WRN: variants seen among roughly 807,000 people sequenced by gnomAD.
The protein encoded by WRN is bifunctional 3'-5' exonuclease/ATP-dependent helicase WRN.
WRN carries 149 observed loss-of-function variants against 180.7 expected under a neutral mutation model. That is an observed-to-expected ratio of 0.82 (90% CI 0.72 to 0.94). WRN has a LOEUF of 0.94. Among genes scored for constraint, WRN ranks in the 40% least tolerant of loss-of-function variants. The pLI is 0.00. For synonymous variants in WRN, 548 were observed against 568.9 expected, an observed-to-expected ratio of 0.96 and a Z score of 0.52; for missense variants, 1,661 against 1,700.1, an observed-to-expected ratio of 0.98 and a Z score of 0.40.
chr8:31,151,934 G>C (rs1803149355), intron 31 of WRN, among the ~76,000 whole-genome samples: 1 of 150,602 alleles, frequency 6.6e-6, no homozygotes, highest in South Asian at 2.1e-4. Flanking sequence ...AAAATTTCTT[G>C]CTGTCACAAT....
intron 7 of WRN, among the ~76,000 whole-genome samples, chr8:31,070,208 T>G (rs916645325): frequency 6.6e-5 from 10 of 151,662 alleles, no homozygotes; most frequent in Admixed American, 1.3e-4. Flanking sequence ...GATTACCATC[T>G]TTTTTTCCTT....
chr8:31,166,218 C>A (rs1278864510), intron 33 of WRN, among the ~76,000 whole-genome samples: 1 of 152,060 alleles, frequency 6.6e-6, no homozygotes, highest in Non-Finnish European at 1.5e-5. Context: ...AATTGAGTGT[C>A]AAATATTTGA....
At chr8:31,120,183 A>T in intron 20 of WRN, 60 bp from the exon 21 acceptor site, 3 of 1,595,450 alleles carry the variant, frequency 1.9e-6, no homozygotes, top group Non-Finnish European at 2.6e-6. Flanking sequence ...AAAAGGTATA[A>T]ATGTAAGGTT....
intron 23 of WRN, among the ~76,000 whole-genome samples, chr8:31,125,517 A>G (rs1403193228): frequency 2.1e-5 from 2 of 97,310 alleles, no homozygotes; most frequent in Admixed American, 2.6e-4. Context: ...CCAGAGAAAT[A>G]GGACGATTGA....
intron 8 of WRN, among the ~76,000 whole-genome samples, chr8:31,080,208 A>C (rs1813245920): frequency 6.6e-6 from 1 of 152,144 alleles, no homozygotes; most frequent in Non-Finnish European, 1.5e-5. Flanking sequence ...TAAAGTGTTA[A>C]TGTTTGTTTG....
intron 3 of WRN, among the ~76,000 whole-genome samples, chr8:31,062,168 T>C (rs1465478514): frequency 1.3e-5 from 2 of 152,314 alleles, no homozygotes; most frequent in East Asian, 3.9e-4. Flanking sequence ...GCCTGTTGTC[T>C]AGTATCTGAA....
chr8:31,131,279 C>T (rs1305741023), intron 23 of WRN, among the ~76,000 whole-genome samples: 1 of 151,326 alleles, frequency 6.6e-6, no homozygotes, highest in Non-Finnish European at 1.5e-5. Context: ...CCTCAGCCTT[C>T]TGAGTAGCTG....
chr8:31,054,261 C>G (rs1465461978), intron 1 of WRN, among the ~76,000 whole-genome samples: 1 of 152,024 alleles, frequency 6.6e-6, no homozygotes, highest in African/African-American at 2.4e-5. Context: ...AAAGAGGAAA[C>G]TGAAGAAAGT....
chr8:31,106,766 T>G (rs1254063362), intron 18 of WRN, among the ~76,000 whole-genome samples: 1 of 146,176 alleles, frequency 6.8e-6, no homozygotes, highest in African/African-American at 2.5e-5. Context: ...CTGTGTTATA[T>G]TTTGTTAATT....
chr8:31,092,354 A>G lies in WRN; in HGVS notation c.1898+456A>G, dbSNP rs903746454. Among the ~76,000 whole-genome samples, 6 of 151,788 alleles carry G rather than the reference A, an allele frequency of 4.0e-5. No homozygotes were observed. In the East Asian group the frequency reaches 9.7e-4, roughly 24 times the overall value. On this transcript the variant is annotated intron_variant, in intron 16 of 34. Coordinates refer to ENST00000298139, the MANE Select transcript of WRN (RefSeq NM_000553.6). ...CAATGACTGGCTGAGCAGGGACTGG[A>G]TTCTAGGTCTCTTGCCCAACCAATT... is the stretch of plus-strand genomic sequence containing the variant.
chr8:31,063,766 C>G (rs1372245256), intron 3 of WRN, among the ~76,000 whole-genome samples: 1 of 152,132 alleles, frequency 6.6e-6, no homozygotes, highest in Non-Finnish European at 1.5e-5. Context: ...AACTTTTACC[C>G]AGGCTGAAGT....
At chr8:31,120,497 A>C in intron 21 of WRN, 73 bp downstream of exon 21, 1 of 1,441,950 alleles carries the variant, frequency 6.9e-7, no homozygotes, top group Non-Finnish European at 9.4e-7. Context: ...AAAGTGTTTG[A>C]GGCTATTTCC....
At chr8:31,090,097 A>T (rs1813687394) in intron 13 of WRN, among the ~76,000 whole-genome samples, 1 of 151,690 alleles carries the variant, frequency 6.6e-6, no homozygotes, top group Non-Finnish European at 1.5e-5. Context: ...TTATCAAGAG[A>T]TATTATTATC....
rs1252717975 is a variant in WRN, at chr8:31,157,412, C to T, written c.3864C>T (p.Gly1288=). 6.2e-7 allele frequency: 1 copy of T among 1,614,068 alleles called. No individual in the cohort carries two copies. The highest frequency in any genetic ancestry group is 1.3e-5 in the African/African-American group (1 of 75,018). Residue 1288 remains glycine, a synonymous_variant, in exon 33 of 35, where the codon GGC becomes GGT. Transcript: ENST00000298139. ...ESRILPLMTI[G]MHLSQAVKAG... is the part of the protein sequence containing the mutation. Reference sequence around the variant, plus strand: ...GGATTCTGCCTCTCATGACAATTGGCATGCACTTATCCCAAGCGGTGAAAG... The same window carrying T: ...GGATTCTGCCTCTCATGACAATTGGTATGCACTTATCCCAAGCGGTGAAAG...
chr8:31,052,453 T>A (rs1812111693), intron 1 of WRN, among the ~76,000 whole-genome samples: 1 of 152,134 alleles, frequency 6.6e-6, no homozygotes, highest in African/African-American at 2.4e-5. Context: ...AGTGGCAAGA[T>A]TTCAGCTCAC....
intron 18 of WRN, 40 bp from the exon 19 acceptor site, chr8:31,111,575 A>C: frequency 1.2e-6 from 2 of 1,603,726 alleles, no homozygotes; most frequent in Non-Finnish European, 1.7e-6. Flanking sequence ...GGAATGAATG[A>C]GCTCTTTCCT....
At chr8:31,074,083 ATT>A (rs552649489) in intron 7 of WRN, among the ~76,000 whole-genome samples, 19 of 141,800 alleles carry the variant, frequency 1.3e-4, no homozygotes, top group Non-Finnish European at 1.2e-4. Flanking sequence ...TGCCCGGCTA[ATT>A]TTTTTTTTTT....
At chr8:31,073,904 A>C (rs1236566253) in intron 7 of WRN, among the ~76,000 whole-genome samples, 1 of 151,610 alleles carries the variant, frequency 6.6e-6, no homozygotes, top group Admixed American at 6.6e-5. Context: ...TGTGGAGGCC[A>C]TCAGTAACCT....
At chr8:31,164,036 C>T (rs547953591) in intron 33 of WRN, among the ~76,000 whole-genome samples, 19 of 152,176 alleles carry the variant, frequency 1.2e-4, no homozygotes, top group African/African-American at 4.3e-4. Context: ...TGAGTTCTCA[C>T]TACATTGCCC....
Sources: gnomAD v4.1 joint callset for allele counts (sites outside exome capture counted in the v4.1 genomes callset) on GRCh38, gnomAD v4.1.1 for gene constraint, MANE v1.5 for transcripts, NCBI Gene and HGNC (gene_info 2026-07-23, HGNC 2026-07-21) for gene names.